The following IFT74 variants were observed in gnomAD, a reference collection of about 807,000 sequenced individuals.
IFT74 encodes intraflagellar transport 74, also known as intraflagellar transport protein 74 homolog.
IFT74 carries 92 observed loss-of-function variants against 96.7 expected under a neutral mutation model. The ratio of observed to expected loss-of-function variants is 0.95; its 90% CI spans 0.80 to 1.13. The LOEUF is 1.13. Ranked by LOEUF, IFT74 falls within the 50% of genes most tolerant of loss-of-function variation. IFT74 has a pLI of 0.00. For synonymous variants in IFT74, 223 were observed against 213.2 expected (o/e 1.05, Z -0.40); for missense variants, 811 against 698.2 (o/e 1.16, Z -1.82).
chr9:26,976,832 G>C (rs905108892), intron 2 of IFT74: 17 of 454,230 alleles, frequency 3.7e-5, no homozygotes, highest in Non-Finnish European at 6.2e-5. Flanking sequence ...CCTTTCCTGA[G>C]GTCGTATAGT....
chr9:26,989,496 A>G (rs560755637), intron 7 of IFT74, among the ~76,000 whole-genome samples: 2 of 152,200 alleles, frequency 1.3e-5, no homozygotes, highest in Non-Finnish European at 1.5e-5. Context: ...TATATAGTTT[A>G]TAATTTATTT....
At position 27,062,719 on chromosome 9, in the gene IFT74, A is replaced by G; in HGVS notation, c.1786A>G (p.Ser596Gly). The G allele has an allele frequency of 6.3e-7, 1 of 1,588,336 alleles. No individual in the cohort carries two copies. Among genetic ancestry groups the G allele is most frequent in the Non-Finnish European group, 8.6e-7 (1 of 1,160,576 alleles). The change falls in exon 20 of 20, where the codon AGC becomes GGC. Residue 596 changes from serine to glycine, a missense_variant. By Grantham distance (56) the Ser-to-Gly change is moderately conservative. Coordinates refer to ENST00000380062, the MANE Select transcript of IFT74 (RefSeq NM_025103.4). ...TAAAACCATCGTGGATGCTTTACAT[A>G]GCACCAGCGGAAACTGAGTTTAAGT... ...YNKTIVDALH[S>G]TSGN is the part of the protein sequence containing the mutation.
At position 26,976,586 on chromosome 9, in the gene IFT74, A is replaced by G. The variant is rs570659223; in HGVS notation, c.121-1542A>G. 8.1e-6 allele frequency: 3 copies of G among 372,468 alleles called. No individual in the cohort carries two copies. The East Asian group carries it at 2.2e-4, about 27-fold the overall frequency. 23.1% of individuals were successfully genotyped at this position (372,468 alleles called of 1,614,324 possible). On this transcript the variant is annotated intron_variant, in intron 2 of 19. Transcript: ENST00000380062. Reference sequence around the variant, plus strand: ...AGGAAGGGGTCATCTACAGAGGACTAGAGAGCCAGTCTTTTCCTAAATAAG... The same window carrying G: ...AGGAAGGGGTCATCTACAGAGGACTGGAGAGCCAGTCTTTTCCTAAATAAG...
At chr9:27,030,571 C>T (rs1177137126) in intron 13 of IFT74, among the ~76,000 whole-genome samples, 1 of 136,870 alleles carries the variant, frequency 7.3e-6, no homozygotes, top group Non-Finnish European at 1.6e-5. Context: ...AAAAAGGGTA[C>T]ACTGTTCTAT....
intron 18 of IFT74, among the ~76,000 whole-genome samples, chr9:27,058,923 A>T (rs1488537603): frequency 6.6e-6 from 1 of 152,190 alleles, no homozygotes; most frequent in African/African-American, 2.4e-5. Flanking sequence ...GGTTGTTTAG[A>T]GTGAGGATGA....
At chr9:26,980,497 C>A in intron 3 of IFT74, 74 bp from the exon 4 acceptor site, 1 of 880,394 alleles carries the variant, frequency 1.1e-6, no homozygotes, top group South Asian at 1.3e-5. Flanking sequence ...GAGTGTAATT[C>A]TGATTGTGCT....
chr9:26,975,420 C>T (rs1170308292), intron 2 of IFT74, among the ~76,000 whole-genome samples: 7 of 152,046 alleles, frequency 4.6e-5, no homozygotes, highest in South Asian at 4.1e-4. Flanking sequence ...AAATTTTGGC[C>T]GGAAAACTGA....
chr9:26,949,572 T>C (rs143195415), intron 1 of IFT74, among the ~76,000 whole-genome samples: 9 of 152,160 alleles, frequency 5.9e-5, no homozygotes, highest in African/African-American at 2.2e-4. Context: ...CACATTTCCC[T>C]GTGTAATTGC....
At chr9:27,056,311 C>G (rs1249035868) in intron 17 of IFT74, 23 bp from the exon 18 acceptor site, 5 of 1,499,730 alleles carry the variant, frequency 3.3e-6, no homozygotes, top group Non-Finnish European at 4.5e-6. Context: ...TATAACCTGT[C>G]ACTTCTATTT....
intron 8 of IFT74, among the ~76,000 whole-genome samples, chr9:26,990,640 G>A (rs572013519): frequency 1.3e-5 from 2 of 152,302 alleles, no homozygotes; most frequent in South Asian, 2.1e-4. Context: ...TAGATTGTAT[G>A]TGTGTCTTTA....
chr9:26,984,235 A>G (rs1322293210), intron 4 of IFT74, 22 bp from the exon 5 acceptor site: 2 of 1,532,568 alleles, frequency 1.3e-6, no homozygotes, highest in East Asian at 2.3e-5. Flanking sequence ...TATTGCTGAC[A>G]TTCTTATTTC....
intron 12 of IFT74, among the ~76,000 whole-genome samples, chr9:27,024,984 A>G (rs1829789349): frequency 6.6e-6 from 1 of 151,930 alleles, no homozygotes; most frequent in Admixed American, 6.6e-5. Context: ...TAAAAAAAAA[A>G]AAAAGCACAA....
chr9:26,964,447 G>T (rs1267361601), intron 2 of IFT74, among the ~76,000 whole-genome samples: 83 of 151,580 alleles, frequency 5.5e-4, no homozygotes, highest in African/African-American at 1.9e-3. Context: ...GGCGATGCGG[G>T]CTCTTTTTTG....
At chr9:26,972,937 T>G (rs963943642) in intron 2 of IFT74, among the ~76,000 whole-genome samples, 2 of 152,180 alleles carry the variant, frequency 1.3e-5, no homozygotes, top group Admixed American at 1.3e-4. Context: ...GAGAATATCA[T>G]CCACATACTG....
chr9:26,957,799 C>CT (rs796171473), intron 1 of IFT74, among the ~76,000 whole-genome samples: 3,871 of 145,000 alleles, frequency 0.027, 81 homozygotes, highest in African/African-American at 0.062. Flanking sequence ...CTTTGTTTGC[C>CT]TTTTTTTTTT....
At chr9:26,947,431 G>C (rs1825776664) in intron 1 of IFT74, 1 of 185,824 alleles carries the variant, frequency 5.4e-6, no homozygotes, top group African/African-American at 2.3e-5. Context: ...CCCAAACCCG[G>C]GTCTCTTCCG....
chr9:27,036,896 A>T (rs1270444211), intron 13 of IFT74: 35 of 866,344 alleles, frequency 4.0e-5, no homozygotes, highest in Non-Finnish European at 4.6e-5. Context: ...ATGGCAAAAA[A>T]AATTATTGCT....
chr9:27,009,278 A>C, intron 9 of IFT74, 120 bp downstream of exon 9: 1 of 822,376 alleles, frequency 1.2e-6, no homozygotes, highest in African/African-American at 1.7e-5. Flanking sequence ...ATCAGTTTTC[A>C]TTTTAACAAG....
At chr9:27,007,936 C>G (rs1003847445) in intron 8 of IFT74, among the ~76,000 whole-genome samples, 7 of 152,128 alleles carry the variant, frequency 4.6e-5, no homozygotes, top group African/African-American at 9.7e-5. Flanking sequence ...TTTCTCTACC[C>G]TATCAATAAT....
Sources: gnomAD v4.1 joint callset for allele counts (sites outside exome capture counted in the v4.1 genomes callset) on GRCh38, gnomAD v4.1.1 for gene constraint, MANE v1.5 for transcripts, NCBI Gene and HGNC (gene_info 2026-07-23, HGNC 2026-07-21) for gene names.